The following PFKM variants were observed in gnomAD, a reference collection of about 807,000 sequenced individuals.
The protein encoded by PFKM is ATP-dependent 6-phosphofructokinase, muscle type.
A neutral mutation model predicts 95.5 loss-of-function variants in PFKM; 58 were observed. The observed-to-expected ratio is 0.61, with a 90% CI of 0.49 to 0.76. The LOEUF (loss-of-function observed/expected upper bound fraction) is 0.76. PFKM is among the 30% of genes least tolerant of loss of function. PFKM has a pLI of 0.00. For synonymous variants in PFKM, 336 were observed against 357.2 expected (o/e 0.94, Z 0.67); for missense variants, 678 against 1,005.4 (o/e 0.67, Z 4.40).
At chr12:48,140,237 A>G (rs1445990842) in intron 13 of PFKM, among the ~76,000 whole-genome samples, 1 of 152,248 alleles carries the variant, frequency 6.6e-6, no homozygotes, top group African/African-American at 2.4e-5. Context: ...ATCTAAGTGT[A>G]TCTAAGCCAC....
At position 48,145,369 on chromosome 12, in the gene PFKM, A is replaced by G. The variant is rs1327495940; in HGVS notation, c.2198+54A>G. The G allele has an allele frequency of 2.8e-6, 4 of 1,442,900 alleles. No individual in the cohort carries two copies. Among genetic ancestry groups the G allele is most frequent in the African/African-American group, 2.8e-5 (2 of 71,492 alleles). The allele number at this position is 1,442,900 out of a possible 1,614,324, so 89.4% of individuals were successfully genotyped here. On this transcript the variant is annotated intron_variant, in intron 22 of 22. Transcript: ENST00000359794. This position sits in a 1 kb window ranked among gnomAD's most constrained non-coding sequence, Gnocchi z 4.3. ...CTTTTCCCTGGTAGTTTCAAGCTCTACTGTCCTCAACCTGTTCACTGTCTT... is the reference window on the plus strand; with the variant it reads ...CTTTTCCCTGGTAGTTTCAAGCTCTGCTGTCCTCAACCTGTTCACTGTCTT...
intron 3 of PFKM, among the ~76,000 whole-genome samples, 169 bp downstream of exon 3, chr12:48,130,605 T>C (rs1460064675): frequency 1.3e-5 from 2 of 152,214 alleles, no homozygotes; most frequent in Non-Finnish European, 2.9e-5. Flanking sequence ...TTGACTCCAA[T>C]AGTGATGGTG....
chr12:48,138,707 T>C (rs1950318272), intron 11 of PFKM, among the ~76,000 whole-genome samples: 1 of 152,196 alleles, frequency 6.6e-6, no homozygotes, highest in East Asian at 1.9e-4. Context: ...GGGTGTGGAA[T>C]GGAAGATACT....
At chr12:48,128,425 A>T (rs1413256983) in intron 2 of PFKM, among the ~76,000 whole-genome samples, 1 of 152,126 alleles carries the variant, frequency 6.6e-6, no homozygotes. Context: ...ATAGGGACCA[A>T]TAGACCATAT....
intron 4 of PFKM, chr12:48,131,787 C>T (rs905566308): frequency 1.4e-5 from 5 of 362,162 alleles, no homozygotes; most frequent in Admixed American, 3.8e-5. Flanking sequence ...ATGAGGTGAC[C>T]TGAAACCAGA....
At chr12:48,142,265 G>A (rs1950638825) in intron 17 of PFKM, 199 bp downstream of exon 17, 5 of 632,038 alleles carry the variant, frequency 7.9e-6, no homozygotes, top group South Asian at 7.1e-5. Context: ...TTGGGGTCAG[G>A]AGTTCAAGAG....
intron 20 of PFKM, 116 bp downstream of exon 20, chr12:48,144,273 G>A: frequency 1.3e-6 from 1 of 750,400 alleles, no homozygotes; most frequent in Non-Finnish European, 2.4e-6. Context: ...GGAGGAGCCT[G>A]TCAGTGCCAT....
intron 3 of PFKM, among the ~76,000 whole-genome samples, chr12:48,112,262 A>G (rs993598625): frequency 2.0e-5 from 3 of 152,224 alleles, no homozygotes; most frequent in Non-Finnish European, 2.9e-5. Context: ...GTGAGTTTAT[A>G]TAATGGTTTA....
chr12:48,129,498 CA>C (rs1478507080), intron 2 of PFKM, among the ~76,000 whole-genome samples: 1 of 152,096 alleles, frequency 6.6e-6, no homozygotes, highest in Non-Finnish European at 1.5e-5. Flanking sequence ...GAGGAAATGC[CA>C]GGAGAACGCA....
At chr12:48,130,492 C>T in intron 3 of PFKM, 56 bp downstream of exon 3, 2 of 1,255,178 alleles carry the variant, frequency 1.6e-6, no homozygotes, top group Non-Finnish European at 2.3e-6. Context: ...CTAAATCTGC[C>T]TTCTATCCCC....
At chr12:48,108,750 G>T (rs1044036428) in intron 3 of PFKM, among the ~76,000 whole-genome samples, 4 of 152,108 alleles carry the variant, frequency 2.6e-5, no homozygotes, top group African/African-American at 9.7e-5. Flanking sequence ...ATCTATATTG[G>T]AGTCAATTCA....
At chr12:48,112,814 C>T (rs1350184818) in intron 3 of PFKM, among the ~76,000 whole-genome samples, 1 of 152,068 alleles carries the variant, frequency 6.6e-6, no homozygotes, top group Non-Finnish European at 1.5e-5. Context: ...TTTTAAAAGG[C>T]CATGCTGTAA....
At chr12:48,138,159 A>G (rs1950265488) in intron 11 of PFKM, among the ~76,000 whole-genome samples, 1 of 152,224 alleles carries the variant, frequency 6.6e-6, no homozygotes, top group African/African-American at 2.4e-5. Flanking sequence ...GAATAATGCT[A>G]TATTCCTCCT....
intron 4 of PFKM, among the ~76,000 whole-genome samples, chr12:48,132,414 C>A (rs1415282547): frequency 2.0e-5 from 3 of 152,192 alleles, no homozygotes; most frequent in East Asian, 3.8e-4. Context: ...AGTTAGAAAT[C>A]TCAGTGCAGA....
chr12:48,141,769 T>A lies in PFKM; in HGVS notation c.1442T>A (p.Ile481Asn). 6.2e-7 allele frequency: 1 copy of A among 1,613,682 alleles called. No individual in the cohort carries two copies. Among genetic ancestry groups the A allele is most frequent in the Non-Finnish European group, 8.5e-7 (1 of 1,179,616 alleles). ...RTLPKKSFEQ[I>N]SANITKFNIQ... ...CTACCCAAGAAGAGCTTTGAACAGATCAGTGCCAATATAACTAAGTTTAAC... is the reference window on the plus strand; with the variant it reads ...CTACCCAAGAAGAGCTTTGAACAGAACAGTGCCAATATAACTAAGTTTAAC... The change falls in exon 16 of 23, where the codon ATC becomes AAC. Residue 481 changes from isoleucine to asparagine, a missense_variant. By Grantham distance (149) the Ile-to-Asn change is moderately radical (BLOSUM62 -3). Coordinates refer to ENST00000359794, the MANE Select transcript of PFKM (RefSeq NM_000289.6).
At chr12:48,108,356 GAGAGAA>G (rs1284587069) in intron 3 of PFKM, among the ~76,000 whole-genome samples, 1 of 151,982 alleles carries the variant, frequency 6.6e-6, no homozygotes, top group East Asian at 1.9e-4. Flanking sequence ...GAGAAAGAGA[GAGAGAA>G]AGAGAAAGAG....
At position 48,140,054 on chromosome 12, in the gene PFKM, CT is replaced by C; in HGVS notation, c.1191+143del. 3 of 662,780 alleles carry C rather than the reference CT, an allele frequency of 4.5e-6. No individual in the cohort carries two copies. The South Asian group carries it at 5.0e-5, about 11-fold the overall frequency. 41.1% of individuals were successfully genotyped at this position (662,780 alleles called of 1,614,324 possible). On this transcript the variant is annotated intron_variant, in intron 13 of 22. Coordinates refer to ENST00000359794, the MANE Select transcript of PFKM (RefSeq NM_000289.6). Reference sequence around the variant, plus strand: ...GATCTTCAGTGCTGGGTCCCTGGCCCTATTATAATGATTTCCTCTTAACCAC... The same window carrying C: ...GATCTTCAGTGCTGGGTCCCTGGCCCATTATAATGATTTCCTCTTAACCAC...
Position 48,138,812 on chromosome 12 carries a change from T to C in PFKM, c.1063-473T>C, listed in dbSNP as rs191227958. 5.2e-3 allele frequency among the ~76,000 whole-genome samples: 797 copies of C among 152,304 alleles called. 26 individuals carry two copies. The highest frequency in any genetic ancestry group is 0.046 in the Admixed American group (711 of 15,296). On this transcript the variant is annotated intron_variant, in intron 11 of 22. Coordinates refer to ENST00000359794, the MANE Select transcript of PFKM (RefSeq NM_000289.6). ...GCTCACGCCTATAATCCCAGCACTT[T>C]GGGAGGCCGAGGCAGGCAGATCACA...
chr12:48,106,404 C>T (rs1468189015), intron 1 of PFKM: 3 of 464,576 alleles, frequency 6.5e-6, no homozygotes, highest in Non-Finnish European at 3.8e-6. Flanking sequence ...TGCTTGCTTG[C>T]GTTCCAGTTT....
Sources: allele counts gnomAD v4.1 joint callset (sites outside exome capture counted in the v4.1 genomes callset), GRCh38; gene constraint gnomAD v4.1.1; non-coding constraint Gnocchi (gnomAD v3.1); transcripts MANE v1.5; gene names NCBI Gene and HGNC (gene_info 2026-07-23, HGNC 2026-07-21).